Variants in CAMTA2 observed in about 807,000 individuals in gnomAD.
CAMTA2 encodes calmodulin-binding transcription activator 2.
In CAMTA2, 56 loss-of-function variants were observed where a neutral mutation model predicts 135.7. The ratio of observed to expected loss-of-function variants is 0.41; its 90% CI spans 0.33 to 0.52. The LOEUF (loss-of-function observed/expected upper bound fraction) is 0.52, where lower values mean the gene tolerates loss of function less well. Among genes scored for constraint, CAMTA2 ranks in the 20% least tolerant of loss-of-function variants. The pLI, the probability that CAMTA2 is intolerant of heterozygous loss-of-function variation, is 0.16. For missense variants in CAMTA2, 1,358 were observed against 1,553.4 expected (o/e 0.87, Z 2.11); for synonymous variants, 591 against 604.6 (o/e 0.98, Z 0.33).
At position 4,973,724 on chromosome 17, in the gene CAMTA2, C is replaced by G; in HGVS notation, c.2062G>C (p.Val688Leu). The change falls in exon 13 of 23, where the codon GTA becomes CTA. Residue 688 changes from valine (V) to leucine (L), a missense_variant. By Grantham distance (32) the Val-to-Leu change is conservative. Around this residue, in one of 4 missense-constraint regions of CAMTA2, gnomAD observed 1,077 missense variants for 1,127.5 expected, o/e 0.96. Coordinates refer to ENST00000348066, the MANE Select transcript of CAMTA2 (RefSeq NM_015099.4). ...GTGGAGCGTGGGATCATGCTTTCTA[C>G]CAAGACCACTACCCGTGCTTCGAAC... ...PGFEARVVVLVESMIPRSTWK... is the reference protein window; with the variant it reads ...PGFEARVVVLLESMIPRSTWK... 6.2e-7 allele frequency: 1 copy of G among 1,613,872 alleles called. No individual in the cohort carries two copies. The highest frequency in any genetic ancestry group is 8.5e-7 in the Non-Finnish European group (1 of 1,179,764).
At chr17:4,977,936 G>A (rs1197694566) in intron 10 of CAMTA2, among the ~76,000 whole-genome samples, 1 of 152,206 alleles carries the variant, frequency 6.6e-6, no homozygotes, top group African/African-American at 2.4e-5. Flanking sequence ...ATCCAATAGG[G>A]TAACACGAGC....
At chr17:4,971,596 C>G (rs1461419242) in intron 16 of CAMTA2, among the ~76,000 whole-genome samples, 1 of 152,080 alleles carries the variant, frequency 6.6e-6, no homozygotes, top group East Asian at 1.9e-4. Context: ...CCTCCCACCT[C>G]GTTCTCTGAA....
At chr17:4,986,899 G>T in intron 1 of CAMTA2, 1 of 1,383,910 alleles carries the variant, frequency 7.2e-7, no homozygotes, top group Non-Finnish European at 9.9e-7. Context: ...CCCTCTCTAC[G>T]TAGCTCCCTC....
At position 4,978,981 on chromosome 17, in the gene CAMTA2, C is replaced by T. The variant is rs530304272; in HGVS notation, c.1639-351G>A. On this transcript the variant is annotated intron_variant, in intron 9 of 22. Coordinates refer to ENST00000348066, the MANE Select transcript of CAMTA2 (RefSeq NM_015099.4). ...TCAAAGGCAGCATAAAACAGAACTT[C>T]TCCACTGCTGAAGACAGTCTTTCAG... Among the ~76,000 whole-genome samples the T allele has an allele frequency of 4.6e-5, 7 of 152,326 alleles. No homozygotes were observed. The South Asian group carries it at 1.4e-3, about 32-fold the overall frequency.
Position 4,968,559 on chromosome 17 carries a change from G to C in CAMTA2, c.*197C>G, listed in dbSNP as rs1256334461. 1.6e-6 allele frequency: 1 copy of C among 623,274 alleles called. No homozygotes were observed. Among genetic ancestry groups the C allele is most frequent in the Non-Finnish European group, 2.8e-6 (1 of 354,396 alleles). The allele number at this position is 623,274 out of a possible 1,614,324, so 38.6% of individuals were successfully genotyped here. ...GGGTTTTCTGGAGCCAGGACCAAAA[G>C]AGACGGGGCACGACCAGGAGGGACG... is the stretch of plus-strand genomic sequence containing the variant. On this transcript the variant is annotated 3_prime_UTR_variant, in exon 23 of 23. Coordinates refer to ENST00000348066, the MANE Select transcript of CAMTA2 (RefSeq NM_015099.4).
chr17:4,982,111 C>T lies in CAMTA2; in HGVS notation c.389G>A (p.Arg130Gln), dbSNP rs1201910295. The change falls in exon 6 of 23, where the codon CGG becomes CAG. Residue 130 changes from arginine to glutamine, a missense_variant. This residue lies in a region of CAMTA2 where 105 missense variants were observed against 190.9 expected (regional missense o/e 0.55). Transcript: ENST00000348066. ...TACCTGGAGCAGCCAGTAGCAGCGC[C>T]GATGGAATGTGGGGACGATGGAAGA... is the stretch of plus-strand genomic sequence containing the variant. ...VHSSIVPTFH[R>Q]RCYWLLQNPD... 1.2e-6 allele frequency: 2 copies of T among 1,612,066 alleles called. No individual in the cohort carries two copies. Among genetic ancestry groups the T allele is most frequent in the Non-Finnish European group, 8.5e-7 (1 of 1,179,630 alleles).
intron 1 of CAMTA2, chr17:4,987,025 T>C: frequency 7.0e-7 from 1 of 1,425,218 alleles, no homozygotes; most frequent in Non-Finnish European, 9.1e-7. Flanking sequence ...TGGCGGAGGC[T>C]CTCAGCACGG....
chr17:4,974,708 T>C (rs780254246), intron 11 of CAMTA2: 2 of 512,718 alleles, frequency 3.9e-6, no homozygotes, highest in Non-Finnish European at 7.1e-6. Context: ...TACCCACTGA[T>C]CTAGAACCCA....
chr17:4,983,584 C>CTT (rs949843068), intron 3 of CAMTA2: 3 of 144,832 alleles, frequency 2.1e-5, no homozygotes, highest in Non-Finnish European at 3.0e-5. Context: ...CGTGCCCAGA[C>CTT]TTTTTTTTTT....
intron 1 of CAMTA2, chr17:4,987,379 G>T: frequency 2.2e-6 from 3 of 1,361,284 alleles, no homozygotes; most frequent in East Asian, 6.1e-5. Flanking sequence ...GGGTGCGGGG[G>T]TCTCCGGGAC....
chr17:4,978,437 G>A, intron 10 of CAMTA2, 67 bp downstream of exon 10: 2 of 1,523,978 alleles, frequency 1.3e-6, no homozygotes, highest in Non-Finnish European at 1.8e-6. Flanking sequence ...CTGGAAGCCT[G>A]GAGGTCCTGA....
chr17:4,982,059 G>A (rs776451372), intron 6 of CAMTA2, 30 bp downstream of exon 6: 3 of 1,552,992 alleles, frequency 1.9e-6, no homozygotes, highest in Non-Finnish European at 2.7e-6. Context: ...GTCAGGAAGA[G>A]GGTGGCTCCC....
rs757763848 is a variant in CAMTA2 at position 4,970,677 on chromosome 17, AT to A, written c.2809-142del. 3.7e-5 allele frequency: 25 copies of A among 671,968 alleles called. No homozygotes were observed. In the East Asian group the frequency reaches 6.5e-4, roughly 18 times the overall value. 41.6% of individuals were successfully genotyped at this position (671,968 alleles called of 1,614,324 possible). On this transcript the variant is annotated intron_variant, in intron 16 of 22. Coordinates refer to ENST00000348066, the MANE Select transcript of CAMTA2 (RefSeq NM_015099.4). ...CTGGGCCACTGTTCCAGACTCATTCATTTATACTGATGGGGCTCCCACTTGG... is the reference window on the plus strand; with the variant it reads ...CTGGGCCACTGTTCCAGACTCATTCATTATACTGATGGGGCTCCCACTTGG...
chr17:4,986,613 C>T (rs1973330628), intron 1 of CAMTA2: 2 of 514,054 alleles, frequency 3.9e-6, no homozygotes, highest in Non-Finnish European at 3.4e-6. Flanking sequence ...GGGTCAGGTC[C>T]TGGGGGTTGG....
chr17:4,968,132 TTAAA>T lies in CAMTA2; in HGVS notation c.*620_*623del, dbSNP rs879017848. 165 of 425,760 alleles carry T rather than the reference TTAAA, an allele frequency of 3.9e-4. No individual in the cohort carries two copies. Among genetic ancestry groups the T allele is most frequent in the South Asian group, 1.8e-3 (66 of 37,472 alleles). The allele number at this position is 425,760 out of a possible 1,614,324, so 26.4% of individuals were successfully genotyped here. On this transcript the variant is annotated 3_prime_UTR_variant, in exon 23 of 23. Transcript: ENST00000348066. ...GCCGTGCAGCCCTCCCCGCGGCGCC[TTAAA>T]TAGATTCTTCACTATACTCTGTATG...
rs186781394 is a variant in CAMTA2 at position 4,978,581 on chromosome 17, T to C, written c.1688A>G (p.His563Arg). Residue 563 changes from histidine (H) to arginine (R), a missense_variant, in exon 10 of 23, where the codon CAT (histidine) becomes CGT (arginine). Physicochemically the swap from His to Arg is conservative, Grantham distance 29. Coordinates refer to ENST00000348066, the MANE Select transcript of CAMTA2 (RefSeq NM_015099.4). ...ITGPWTEAAE[H>R]YSCVFDHIAV... ...GATGTGATCAAAGACACAGGAGTAA[T>C]GCTCGGCGGCTTCGGTCCAAGGACC... is the stretch of plus-strand genomic sequence containing the variant. 3 of 1,614,180 alleles carry C rather than the reference T, an allele frequency of 1.9e-6. No individual in the cohort carries two copies. The Admixed American group carries it at 5.0e-5, about 27-fold the overall frequency.
chr17:4,978,587 G>A lies in CAMTA2; in HGVS notation c.1682C>T (p.Ala561Val). 1 of 1,614,168 alleles carries A rather than the reference G, an allele frequency of 6.2e-7. No homozygotes were observed. The highest frequency in any genetic ancestry group is 8.5e-7 in the Non-Finnish European group (1 of 1,179,992). Reference protein sequence around the residue: ...VLITGPWTEAAEHYSCVFDHI... With the variant: ...VLITGPWTEAVEHYSCVFDHI... ...ATCAAAGACACAGGAGTAATGCTCG[G>A]CGGCTTCGGTCCAAGGACCTGTGAT... Residue 561 changes from alanine to valine, a missense_variant, in exon 10 of 23, where the codon GCC (alanine) becomes GTC (valine). This residue lies in a region of CAMTA2 where 1,077 missense variants were observed against 1,127.5 expected (regional missense o/e 0.96). Transcript: ENST00000348066.
chr17:4,973,259 G>C lies in CAMTA2; in HGVS notation c.2202-6C>G, dbSNP rs1348762617. The C allele has an allele frequency of 1.2e-6, 2 of 1,611,800 alleles. No individual in the cohort carries two copies. Among genetic ancestry groups the C allele is most frequent in the Admixed American group, 3.3e-5 (2 of 59,992 alleles). On this transcript the variant is annotated splice_polypyrimidine_tract_variant and splice_region_variant and intron_variant, in intron 13 of 22. Transcript: ENST00000348066. ...AGCTTCCAGTCTCCACACTCCTGGA[G>C]GGTTTGGGAGAGAGACAGCAGAGCC...
At chr17:4,976,245 A>G (rs1049857992) in intron 11 of CAMTA2, among the ~76,000 whole-genome samples, 2 of 151,642 alleles carry the variant, frequency 1.3e-5, no homozygotes, top group Admixed American at 6.6e-5. Context: ...ACCTCAGGTG[A>G]TCCACCCGCC....
Sources: gnomAD v4.1 joint callset for allele counts (sites outside exome capture counted in the v4.1 genomes callset) on GRCh38, gnomAD v4.1.1 for gene constraint, gnomAD v4.1.1 regional missense constraint, MANE v1.5 for transcripts, NCBI Gene and HGNC (gene_info 2026-07-23, HGNC 2026-07-21) for gene names.